VIT: variants seen among roughly 807,000 people sequenced by gnomAD.
VIT encodes vitrin.
In VIT, 99 loss-of-function variants were observed where a neutral mutation model predicts 78.0. That is an observed-to-expected ratio of 1.27 (90% confidence interval 1.08 to 1.50). The LOEUF is 1.50. VIT is among the 40% of genes most tolerant of loss of function. The probability of loss-of-function intolerance (pLI) is 0.00; values close to 1 mark genes in which losing one functional copy is unlikely to be tolerated. For missense variants in VIT, 1,126 were observed against 875.3 expected (o/e 1.29, Z -3.61); for synonymous variants, 374 against 334.3 (o/e 1.12, Z -1.29).
chr2:36,799,149 T>C (rs1296261720), intron 12 of VIT, among the ~76,000 whole-genome samples: 2 of 152,192 alleles, frequency 1.3e-5, no homozygotes, highest in Non-Finnish European at 2.9e-5. Context: ...GCCTTGTAAA[T>C]AAGCCACCCT....
chr2:36,792,762 C>T (rs926036726), intron 12 of VIT, among the ~76,000 whole-genome samples: 1 of 152,176 alleles, frequency 6.6e-6, no homozygotes, highest in African/African-American at 2.4e-5. Context: ...CCCAGTCCCC[C>T]AGTGACCCCT....
intron 15 of VIT, among the ~76,000 whole-genome samples, chr2:36,812,895 C>T (rs1469523870): frequency 7.4e-6 from 1 of 135,302 alleles, no homozygotes; most frequent in African/African-American, 2.8e-5. Context: ...GAGTCTCGCT[C>T]TGTCACCCAG....
At chr2:36,725,565 G>A (rs987741993) in intron 2 of VIT, among the ~76,000 whole-genome samples, 2 of 129,380 alleles carry the variant, frequency 1.5e-5, no homozygotes, top group African/African-American at 2.9e-5. Context: ...ATCACACTGG[G>A]GGTTAGGATG....
At chr2:36,792,676 TC>T (rs1665585538) in intron 12 of VIT, among the ~76,000 whole-genome samples, 1 of 151,708 alleles carries the variant, frequency 6.6e-6, no homozygotes, top group South Asian at 2.1e-4. Context: ...TTTTTAGAGT[TC>T]CCCAGCTGAT....
intron 2 of VIT, among the ~76,000 whole-genome samples, chr2:36,718,804 G>GTATATGCC (rs1413843083): frequency 1.3e-5 from 2 of 152,166 alleles, no homozygotes; most frequent in Non-Finnish European, 2.9e-5. Context: ...TACAATTGCT[G>GTATATGCC]TATATGCCTG....
chr2:36,768,660 C>T (rs962161678), intron 7 of VIT, among the ~76,000 whole-genome samples: 7 of 152,158 alleles, frequency 4.6e-5, no homozygotes, highest in Admixed American at 2.0e-4. Context: ...GGAATTCAAA[C>T]TCCAGCAGCC....
At chr2:36,725,998 G>A (rs891078233) in intron 2 of VIT, among the ~76,000 whole-genome samples, 1 of 151,906 alleles carries the variant, frequency 6.6e-6, no homozygotes, top group African/African-American at 2.4e-5. Flanking sequence ...TTGAACAGGA[G>A]GCGGAGGTTG....
chr2:36,802,582 A>G (rs192518853), intron 13 of VIT, among the ~76,000 whole-genome samples: 1 of 152,232 alleles, frequency 6.6e-6, no homozygotes, highest in South Asian at 2.1e-4. Flanking sequence ...GTCACTCTCC[A>G]TGCCCCCAAA....
chr2:36,700,698 T>C (rs7572526), intron 1 of VIT, among the ~76,000 whole-genome samples: 2 of 151,902 alleles, frequency 1.3e-5, no homozygotes, highest in African/African-American at 4.8e-5. Flanking sequence ...GCTATGATCA[T>C]GCACTCCAGC....
intron 4 of VIT, among the ~76,000 whole-genome samples, chr2:36,746,022 T>C (rs1328825321): frequency 1.3e-5 from 2 of 152,196 alleles, no homozygotes; most frequent in Non-Finnish European, 2.9e-5. Flanking sequence ...TGAAAGGATA[T>C]TGGATCTTAT....
At chr2:36,775,290 C>G (rs960638853) in intron 9 of VIT, among the ~76,000 whole-genome samples, 19 of 152,162 alleles carry the variant, frequency 1.2e-4, no homozygotes, top group African/African-American at 4.6e-4. Flanking sequence ...CGAAGACATC[C>G]AAGGGCTGTC....
intron 6 of VIT, among the ~76,000 whole-genome samples, chr2:36,760,515 T>TG (rs1412604875): frequency 1.3e-5 from 2 of 152,188 alleles, no homozygotes; most frequent in Admixed American, 1.3e-4. Flanking sequence ...GCAGTGGGTC[T>TG]GGTGCCTCGT....
chr2:36,723,794 A>G (rs35600227), intron 2 of VIT, among the ~76,000 whole-genome samples: 7,901 of 151,938 alleles, frequency 0.052, 263 homozygotes, highest in East Asian at 0.11. Flanking sequence ...TCTATAAAAA[A>G]TAAAAAAGTA....
chr2:36,782,639 T>C (rs576328096), intron 10 of VIT, among the ~76,000 whole-genome samples: 1 of 152,296 alleles, frequency 6.6e-6, no homozygotes, highest in South Asian at 2.1e-4. Flanking sequence ...GCTTTTATTG[T>C]CTTTATTTCT....
chr2:36,755,142 C>G (rs912053294), intron 5 of VIT, 88 bp downstream of exon 5: 3 of 1,367,058 alleles, frequency 2.2e-6, no homozygotes, highest in Non-Finnish European at 2.9e-6. Flanking sequence ...TTGTTTATGG[C>G]CCACCTCATT....
chr2:36,723,814 G>A (rs773339755), intron 2 of VIT, among the ~76,000 whole-genome samples: 1 of 151,934 alleles, frequency 6.6e-6, no homozygotes, highest in African/African-American at 2.4e-5. Context: ...AGCCAGGCAC[G>A]GTGGCACACG....
Position 36,760,473 on chromosome 2 carries a change from T to C in VIT, c.487+1427T>C, listed in dbSNP as rs940732589. 3.3e-5 allele frequency among the ~76,000 whole-genome samples: 5 copies of C among 152,190 alleles called. No individual in the cohort carries two copies. The East Asian group carries it at 9.6e-4, about 29-fold the overall frequency. Reference sequence around the variant, plus strand: ...AGTCCTGTTTGTTTAGTTTCAAGGATAGAGCTGTTCCCCACCTCCACCCGT... The same window carrying C: ...AGTCCTGTTTGTTTAGTTTCAAGGACAGAGCTGTTCCCCACCTCCACCCGT... On this transcript the variant is annotated intron_variant, in intron 6 of 15. Transcript: ENST00000379242.
At chr2:36,716,515 G>A in intron 2 of VIT, 93 bp downstream of exon 2, 2 of 1,087,642 alleles carry the variant, frequency 1.8e-6, no homozygotes, top group East Asian at 2.4e-5. Flanking sequence ...CCAAGACAGA[G>A]CATATAAACA....
chr2:36,749,724 C>T (rs1241604250), intron 4 of VIT, among the ~76,000 whole-genome samples: 1 of 152,144 alleles, frequency 6.6e-6, no homozygotes, highest in Non-Finnish European at 1.5e-5. Flanking sequence ...AGATGTGACT[C>T]GGGAGTCGAT....
Sources: gnomAD v4.1 joint callset for allele counts (sites outside exome capture counted in the v4.1 genomes callset) on GRCh38, gnomAD v4.1.1 for gene constraint, MANE v1.5 for transcripts, NCBI Gene and HGNC (gene_info 2026-07-23, HGNC 2026-07-21) for gene names.